The following LHFPL3 variants were observed in gnomAD, a reference collection of about 807,000 sequenced individuals.
The protein encoded by LHFPL3 is LHFPL tetraspan subfamily member 3.
LHFPL3 carries 5 observed loss-of-function variants against 19.3 expected under a neutral mutation model. That is an observed-to-expected ratio of 0.26 (90% CI 0.14 to 0.54). The LOEUF (loss-of-function observed/expected upper bound fraction) is 0.54, where lower values mean the gene tolerates loss of function less well. Ranked by LOEUF, LHFPL3 falls within the 20% of genes least tolerant of loss-of-function variation. The probability of loss-of-function intolerance (pLI) is 0.94; values close to 1 mark genes in which losing one functional copy is unlikely to be tolerated. For synonymous variants in LHFPL3, 133 were observed against 126.2 expected (o/e 1.05, Z -0.36); for missense variants, 249 against 307.4 (o/e 0.81, Z 1.42).
At chr7:104,432,193 C>G (rs1792015737) in intron 1 of LHFPL3, among the ~76,000 whole-genome samples, 1 of 152,184 alleles carries the variant, frequency 6.6e-6, no homozygotes, top group Non-Finnish European at 1.5e-5. Context: ...ATCCTCTGGC[C>G]TCCCCAAGAG....
chr7:104,884,808 T>G (rs1792119618), intron 2 of LHFPL3, among the ~76,000 whole-genome samples: 1 of 152,200 alleles, frequency 6.6e-6, no homozygotes, highest in Non-Finnish European at 1.5e-5. Context: ...AGACTTTGTC[T>G]GCACCTGGAA....
At chr7:104,618,812 C>G (rs553963951) in intron 1 of LHFPL3, among the ~76,000 whole-genome samples, 1 of 152,298 alleles carries the variant, frequency 6.6e-6, no homozygotes, top group East Asian at 1.9e-4. Flanking sequence ...GTGACTTGGC[C>G]AAGGTCCCAC....
At chr7:104,696,380 G>A (rs902563951) in intron 1 of LHFPL3, among the ~76,000 whole-genome samples, 1 of 152,178 alleles carries the variant, frequency 6.6e-6, no homozygotes, top group Non-Finnish European at 1.5e-5. Context: ...TGGCAAATGG[G>A]AGTTTAAATA....
At chr7:104,333,114 C>T (rs1801602400) in intron 1 of LHFPL3, among the ~76,000 whole-genome samples, 1 of 152,088 alleles carries the variant, frequency 6.6e-6, no homozygotes, top group Admixed American at 6.5e-5. Flanking sequence ...TGTTCTTGTT[C>T]TCTTTAAGTC....
chr7:104,508,923 T>C (rs1458939478), intron 1 of LHFPL3, among the ~76,000 whole-genome samples: 3 of 151,536 alleles, frequency 2.0e-5, no homozygotes, highest in African/African-American at 4.8e-5. Context: ...AATAGGTATA[T>C]CAACACAAGC....
At chr7:104,783,272 T>C (rs1300551277) in intron 2 of LHFPL3, among the ~76,000 whole-genome samples, 1 of 152,234 alleles carries the variant, frequency 6.6e-6, no homozygotes, top group African/African-American at 2.4e-5. Flanking sequence ...TAGGGACTGC[T>C]CCTGTGTGTT....
chr7:104,571,475 C>G (rs969353234), intron 1 of LHFPL3, among the ~76,000 whole-genome samples: 4 of 152,144 alleles, frequency 2.6e-5, no homozygotes, highest in African/African-American at 7.2e-5. Context: ...CTTTCGCCAG[C>G]TTTTCTTCCT....
At chr7:104,593,148 T>A (rs1790762395) in intron 1 of LHFPL3, among the ~76,000 whole-genome samples, 1 of 152,182 alleles carries the variant, frequency 6.6e-6, no homozygotes, top group South Asian at 2.1e-4. Context: ...CAATTTTAGA[T>A]CTTTCCTGCT....
intron 2 of LHFPL3, among the ~76,000 whole-genome samples, chr7:104,891,720 T>C (rs1792249863): frequency 6.6e-6 from 1 of 152,230 alleles, no homozygotes; most frequent in African/African-American, 2.4e-5. Flanking sequence ...AAGAAGAATG[T>C]CCTATTATAG....
chr7:104,711,941 C>T (rs1793306564), intron 1 of LHFPL3, among the ~76,000 whole-genome samples: 1 of 152,150 alleles, frequency 6.6e-6, no homozygotes, highest in South Asian at 2.1e-4. Context: ...CTATGTGTAA[C>T]ATTATGTGGT....
intron 1 of LHFPL3, among the ~76,000 whole-genome samples, chr7:104,637,147 C>A (rs1484375888): frequency 6.6e-6 from 1 of 152,064 alleles, no homozygotes; most frequent in African/African-American, 2.4e-5. Context: ...TATTTAGCAT[C>A]TTTTTCATAT....
At chr7:104,626,006 C>G (rs956874717) in intron 1 of LHFPL3, among the ~76,000 whole-genome samples, 1 of 152,190 alleles carries the variant, frequency 6.6e-6, no homozygotes, top group African/African-American at 2.4e-5. Context: ...CTAATAAGTT[C>G]CACTGTCACC....
At chr7:104,365,801 A>AAAAAAAAAAG (rs893610992) in intron 1 of LHFPL3, among the ~76,000 whole-genome samples, 2 of 142,258 alleles carry the variant, frequency 1.4e-5, no homozygotes, top group Non-Finnish European at 3.1e-5. Flanking sequence ...AAAAAAAAAA[A>AAAAAAAAAAG]AAAAGAAAAG....
intron 2 of LHFPL3, chr7:104,752,842 A>G (rs1258358902): frequency 2.6e-6 from 1 of 381,852 alleles, no homozygotes; most frequent in East Asian, 3.7e-5. Flanking sequence ...GTGTACAGCA[A>G]AACTGAGCAA....
intron 1 of LHFPL3, among the ~76,000 whole-genome samples, chr7:104,586,785 C>G (rs1217680288): frequency 6.6e-6 from 1 of 152,134 alleles, no homozygotes; most frequent in Non-Finnish European, 1.5e-5. Context: ...CTTCCGTGTG[C>G]TACGCCACAC....
At chr7:104,811,150 TTTTCTTTC>T (rs543375649) in intron 2 of LHFPL3, among the ~76,000 whole-genome samples, 67 of 132,410 alleles carry the variant, frequency 5.1e-4, no homozygotes, top group African/African-American at 1.8e-3. Context: ...CTTTCTTTCT[TTTTCTTTC>T]TTTCTTTCTT....
intron 1 of LHFPL3, among the ~76,000 whole-genome samples, chr7:104,559,850 G>T (rs1322756679): frequency 6.9e-6 from 1 of 144,538 alleles, no homozygotes; most frequent in Non-Finnish European, 1.5e-5. Flanking sequence ...TTTGAAATAC[G>T]TCCCATCAAT....
chr7:104,670,475 C>T (rs1302626740), intron 1 of LHFPL3, among the ~76,000 whole-genome samples: 2 of 152,166 alleles, frequency 1.3e-5, no homozygotes, highest in African/African-American at 2.4e-5. Context: ...AATTTAGACT[C>T]TTATCGTCAT....
At chr7:104,393,891 C>A (rs374983973) in intron 1 of LHFPL3, among the ~76,000 whole-genome samples, 156 of 152,080 alleles carry the variant, frequency 1.0e-3, no homozygotes, top group African/African-American at 2.1e-3. Flanking sequence ...GAAATTTGTA[C>A]AAAATGGATC....
Sources: allele counts gnomAD v4.1 joint callset (sites outside exome capture counted in the v4.1 genomes callset), GRCh38; gene constraint gnomAD v4.1.1; transcripts MANE v1.5; gene names NCBI Gene and HGNC (gene_info 2026-07-23, HGNC 2026-07-21).